PACSIN3: variants seen among roughly 807,000 people sequenced by gnomAD.
PACSIN3 encodes protein kinase C and casein kinase substrate in neurons protein 3.
PACSIN3 carries 34 observed loss-of-function variants against 56.1 expected under a neutral mutation model. The ratio of observed to expected loss-of-function variants is 0.61; its 90% CI spans 0.46 to 0.81. The LOEUF is 0.81. Among genes scored for constraint, PACSIN3 ranks in the 30% least tolerant of loss-of-function variants. The probability of loss-of-function intolerance (pLI) is 0.00; values close to 1 mark genes in which losing one functional copy is unlikely to be tolerated. For missense variants in PACSIN3, 535 were observed against 592.4 expected, an observed-to-expected ratio of 0.90 and a Z score of 1.01; for synonymous variants, 218 against 229.8, an observed-to-expected ratio of 0.95 and a Z score of 0.46.
In PACSIN3 at chr11:47,180,259, T is replaced by C. The variant is rs779304877; in HGVS notation, c.530A>G (p.Asp177Gly). ...AQTRESHAKA[D>G]SAVSQEQLRK... ...CAGCTGCTCCTGGGAGACGGCGCTG[T>C]CTGCCTTTGCGTGGCTCTCCCTCGT... The change falls in exon 6 of 11, where the codon GAC becomes GGC. Residue 177 changes from aspartate (D) to glycine (G), a missense_variant. Physicochemically the swap from Asp to Gly is moderately conservative, Grantham distance 94. Coordinates refer to ENST00000298838, the MANE Select transcript of PACSIN3 (RefSeq NM_016223.5). 2.5e-6 allele frequency: 4 copies of C among 1,603,726 alleles called. No individual in the cohort carries two copies. The highest frequency in any genetic ancestry group is 2.2e-5 in the South Asian group (2 of 91,092).
At position 47,179,015 on chromosome 11, in the gene PACSIN3, T is replaced by A. The variant is rs1483304088; in HGVS notation, c.916A>T (p.Thr306Ser). Residue 306 changes from threonine to serine, a missense_variant, in exon 9 of 11, where the codon ACA becomes TCA. Transcript: ENST00000298838. This position sits in a 1 kb window ranked among gnomAD's most constrained non-coding sequence, Gnocchi z 4.4. ...WPQFEEWSLD[T>S]QRTISRKEKG... ...TCTTTCCGGCTGATTGTCCTCTGTGTGTCCAAGGACCACTCCTGTGGGGAC... is the reference window on the plus strand; with the variant it reads ...TCTTTCCGGCTGATTGTCCTCTGTGAGTCCAAGGACCACTCCTGTGGGGAC... 4 of 1,614,120 alleles carry A rather than the reference T, an allele frequency of 2.5e-6. No homozygotes were observed. Among genetic ancestry groups the A allele is most frequent in the Admixed American group, 3.3e-5 (2 of 60,030 alleles).
chr11:47,178,090 G>A lies in PACSIN3; in HGVS notation c.1160-44C>T. 2.0e-6 allele frequency: 3 copies of A among 1,533,312 alleles called. No homozygotes were observed. Among genetic ancestry groups the A allele is most frequent in the Non-Finnish European group, 2.7e-6 (3 of 1,113,516 alleles). 95.0% of individuals were successfully genotyped at this position (1,533,312 alleles called of 1,614,324 possible). A position where few individuals can be genotyped will look rare whatever the true frequency, so the allele number is the denominator to read the frequency against. On this transcript the variant is annotated intron_variant, in intron 10 of 10. Coordinates refer to ENST00000298838, the MANE Select transcript of PACSIN3 (RefSeq NM_016223.5). This position sits in a 1 kb window ranked among gnomAD's most constrained non-coding sequence, Gnocchi z 4.2. ...GTCACTGCCAGTGGCCCTGGCCCAG[G>A]CCCTGTTCCTGCAACTGGGTCAAGG...
In PACSIN3 at chr11:47,179,407, A is replaced by C; in HGVS notation, c.779+4T>G. 6.2e-7 allele frequency: 1 copy of C among 1,613,974 alleles called. No homozygotes were observed. Reference sequence around the variant, plus strand: ...GATCTCCATGCCCACCAGGCAGTTCATACTTCTCACTGCTGGAAAGGTCCA... The same window carrying C: ...GATCTCCATGCCCACCAGGCAGTTCCTACTTCTCACTGCTGGAAAGGTCCA... On this transcript the variant is annotated splice_donor_region_variant and intron_variant, in intron 7 of 10. Coordinates refer to ENST00000298838, the MANE Select transcript of PACSIN3 (RefSeq NM_016223.5). The surrounding 1 kb of genome is among the most constrained non-coding windows in gnomAD (Gnocchi z 4.4).
At chr11:47,181,756 T>C (rs962166373) in intron 4 of PACSIN3, among the ~76,000 whole-genome samples, 4 of 152,180 alleles carry the variant, frequency 2.6e-5, no homozygotes, top group East Asian at 1.9e-4. Context: ...GGAGGATCAG[T>C]TGAGCGTGGG....
chr11:47,186,333 C>T lies in PACSIN3; in HGVS notation c.-104+16G>A, dbSNP rs921928945. ...CCCGCCGCCGCCTACCCGCGCGTCC[C>T]CTCCAGGGCACTCACCGCGTCCTCC... On this transcript the variant is annotated intron_variant, in intron 1 of 10. Transcript: ENST00000298838. This position sits in a 1 kb window ranked among gnomAD's most constrained non-coding sequence, Gnocchi z 4.5. The T allele has an allele frequency of 1.3e-5, 2 of 151,850 alleles. No individual in the cohort carries two copies. Among genetic ancestry groups the T allele is most frequent in the African/African-American group, 4.8e-5 (2 of 41,348 alleles). The allele number at this position is 151,850 out of a possible 1,614,324, so 9.4% of individuals were successfully genotyped here. A position where few individuals can be genotyped will look rare whatever the true frequency, so the allele number is the denominator to read the frequency against.
chr11:47,179,660 A>G lies in PACSIN3; in HGVS notation c.604-74T>C. 1 of 1,478,194 alleles carries G rather than the reference A, an allele frequency of 6.8e-7. No individual in the cohort carries two copies. Among genetic ancestry groups the G allele is most frequent in the South Asian group, 1.2e-5 (1 of 84,922 alleles). 91.6% of individuals were successfully genotyped at this position (1,478,194 alleles called of 1,614,324 possible). On this transcript the variant is annotated intron_variant, in intron 6 of 10. Coordinates refer to ENST00000298838, the MANE Select transcript of PACSIN3 (RefSeq NM_016223.5). The surrounding 1 kb of genome is among the most constrained non-coding windows in gnomAD (Gnocchi z 4.4). ...AGGACTCCACCAGTGTTTACCAGAC[A>G]CTGCCATAGGCTGCTAGACCCAGGG... is the stretch of plus-strand genomic sequence containing the variant.
At chr11:47,180,151 G>A (rs753617519) in intron 6 of PACSIN3, 35 bp downstream of exon 6, 3 of 1,585,848 alleles carry the variant, frequency 1.9e-6, no homozygotes, top group Non-Finnish European at 2.6e-6. Context: ...GCCGTGCCCT[G>A]GGCGGGGGCC....
At position 47,178,000 on chromosome 11, in the gene PACSIN3, G is replaced by A; in HGVS notation, c.1206C>T (p.Cys402=). Residue 402 remains cysteine, a synonymous_variant, in exon 11 of 11, where the codon TGC becomes TGT. Coordinates refer to ENST00000298838, the MANE Select transcript of PACSIN3 (RefSeq NM_016223.5). ...TGCGGCCACTCTGCAACTGGCCTTGGCACCAGCCCTGCTCGTCCTCCTCAC... is the reference window on the plus strand; with the variant it reads ...TGCGGCCACTCTGCAACTGGCCTTGACACCAGCCCTGCTCGTCCTCCTCAC... ...KMSEEDEQGW[C]QGQLQSGRIG... 1 of 1,614,112 alleles carries A rather than the reference G, an allele frequency of 6.2e-7. No individual in the cohort carries two copies.
intron 1 of PACSIN3, among the ~76,000 whole-genome samples, chr11:47,184,920 C>G (rs1953091430): frequency 6.6e-6 from 1 of 152,078 alleles, no homozygotes; most frequent in Non-Finnish European, 1.5e-5. Context: ...CTGTGTGTAC[C>G]GGGCTGGCAC....
Position 47,177,671 on chromosome 11 carries a change from C to T in PACSIN3, c.*260G>A, listed in dbSNP as rs572595154. ...GAGGTCAGGAACTGAGTCCACAGCTCCTGGGGAGGCCCAGGCACCCCTGAA... is the reference window on the plus strand; with the variant it reads ...GAGGTCAGGAACTGAGTCCACAGCTTCTGGGGAGGCCCAGGCACCCCTGAA... On this transcript the variant is annotated 3_prime_UTR_variant, in exon 11 of 11. Coordinates refer to ENST00000298838, the MANE Select transcript of PACSIN3 (RefSeq NM_016223.5). 4.2e-5 allele frequency: 22 copies of T among 519,098 alleles called. No individual in the cohort carries two copies. Among genetic ancestry groups the T allele is most frequent in the Admixed American group, 6.9e-5 (2 of 29,046 alleles). The allele number at this position is 519,098 out of a possible 1,614,324, so 32.2% of individuals were successfully genotyped here.
intron 5 of PACSIN3, 25 bp downstream of exon 5, chr11:47,180,430 G>C (rs61897851): frequency 0.085 from 135,215 of 1,591,526 alleles, 5,943 homozygotes; most frequent in African/African-American, 0.094. Flanking sequence ...AGCCTGTCTC[G>C]GATACCTCCC....
rs548709548 is a variant in PACSIN3 at position 47,182,436 on chromosome 11, A to C, written c.178T>G (p.Trp60Gly). 6.2e-7 allele frequency: 1 copy of C among 1,600,956 alleles called. No homozygotes were observed. The highest frequency in any genetic ancestry group is 2.2e-5 in the East Asian group (1 of 44,844). Residue 60 changes from tryptophan to glycine, a missense_variant, in exon 4 of 11, where the codon TGG becomes GGG. By Grantham distance (184) the Trp-to-Gly change is radical. Coordinates refer to ENST00000298838, the MANE Select transcript of PACSIN3 (RefSeq NM_016223.5). ...ACGGTCCCCCTCCACTTTCGGGCCC[A>C]GTCAGCCAACTGCTGGGCATAAGCC... ...EKAYAQQLAD[W>G]ARKWRGTVEK...
At chr11:47,181,974 A>T (rs189268328) in intron 4 of PACSIN3, among the ~76,000 whole-genome samples, 1 of 151,992 alleles carries the variant, frequency 6.6e-6, no homozygotes, top group Non-Finnish European at 1.5e-5. Context: ...CCAACATGGT[A>T]AAACCCCGTC....
chr11:47,184,043 C>T (rs370341350), intron 1 of PACSIN3, among the ~76,000 whole-genome samples: 2 of 151,698 alleles, frequency 1.3e-5, no homozygotes, highest in Non-Finnish European at 2.9e-5. Flanking sequence ...TCCCTAGAAT[C>T]GCAGAGGACG....
Position 47,177,842 on chromosome 11 carries a change from C to T in PACSIN3, c.*89G>A, listed in dbSNP as rs897007523. 1.3e-5 allele frequency: 13 copies of T among 994,112 alleles called. No homozygotes were observed. The highest frequency in any genetic ancestry group is 7.4e-5 in the East Asian group (3 of 40,666). The allele number at this position is 994,112 out of a possible 1,614,324, so 61.6% of individuals were successfully genotyped here. The stretch of plus-strand genomic sequence containing the variant: ...GGACAGAGGAGCAGCCAGAGAGCGA[C>T]GGTTCAGGGCCCTGAGGGTCCGGCT... On this transcript the variant is annotated 3_prime_UTR_variant, in exon 11 of 11. Coordinates refer to ENST00000298838, the MANE Select transcript of PACSIN3 (RefSeq NM_016223.5).
Position 47,178,535 on chromosome 11 carries a change from G to A in PACSIN3, c.1038-48C>T, listed in dbSNP as rs1045389771. The stretch of plus-strand genomic sequence containing the variant: ...GCAGCTCAGAGTGCAAGGAACACGG[G>A]GCTGGAGATCTCACCCAGGATCAGG... On this transcript the variant is annotated intron_variant, in intron 9 of 10. Transcript: ENST00000298838. This position sits in a 1 kb window ranked among gnomAD's most constrained non-coding sequence, Gnocchi z 4.2. The A allele has an allele frequency of 1.2e-5, 19 of 1,594,672 alleles. No individual in the cohort carries two copies. The highest frequency in any genetic ancestry group is 1.5e-5 in the Non-Finnish European group (17 of 1,168,942).
rs771009434 is a variant in PACSIN3 at position 47,180,585 on chromosome 11, T to C, written c.317A>G (p.Asp106Gly). 5 of 1,604,910 alleles carry C rather than the reference T, an allele frequency of 3.1e-6. No homozygotes were observed. In the African/African-American group the frequency reaches 6.7e-5, roughly 21 times the overall value. The change falls in exon 5 of 11, where the codon GAC becomes GGC. Residue 106 changes from aspartate to glycine, a missense_variant. Physicochemically the swap from Asp to Gly is moderately conservative, Grantham distance 94. Coordinates refer to ENST00000298838, the MANE Select transcript of PACSIN3 (RefSeq NM_016223.5). ...LEVREKLQGQ[D>G]SERVRAWQRG... ...CTGCCAGGCGCGCACCCGCTCACTG[T>C]CCTGCCCTTGCAGCTTCTCCCGCAC...
chr11:47,178,634 C>A lies in PACSIN3; in HGVS notation c.1038-147G>T, dbSNP rs1454364901. On this transcript the variant is annotated intron_variant, in intron 9 of 10. Coordinates refer to ENST00000298838, the MANE Select transcript of PACSIN3 (RefSeq NM_016223.5). The surrounding 1 kb of genome is among the most constrained non-coding windows in gnomAD (Gnocchi z 4.2). ...ACTAAAGATTCTAGCTCTACCTCGC[C>A]ATGCCCGACTGTGAGCAAAGAGGCA... 1.8e-6 allele frequency: 2 copies of A among 1,117,742 alleles called. No homozygotes were observed. The highest frequency in any genetic ancestry group is 3.1e-5 in the African/African-American group (2 of 63,810). The allele number at this position is 1,117,742 out of a possible 1,614,324, so 69.2% of individuals were successfully genotyped here.
chr11:47,179,663 G>A lies in PACSIN3; in HGVS notation c.604-77C>T, dbSNP rs1484874383. 1 of 1,440,200 alleles carries A rather than the reference G, an allele frequency of 6.9e-7. No individual in the cohort carries two copies. The highest frequency in any genetic ancestry group is 1.4e-5 in the African/African-American group (1 of 70,876). The allele number at this position is 1,440,200 out of a possible 1,614,324, so 89.2% of individuals were successfully genotyped here. A position where few individuals can be genotyped will look rare whatever the true frequency, so the allele number is the denominator to read the frequency against. On this transcript the variant is annotated intron_variant, in intron 6 of 10. Transcript: ENST00000298838. The surrounding 1 kb of genome is among the most constrained non-coding windows in gnomAD (Gnocchi z 4.4). ...ACTCCACCAGTGTTTACCAGACACT[G>A]CCATAGGCTGCTAGACCCAGGGCTA... is the stretch of plus-strand genomic sequence containing the variant.
Sources: allele counts gnomAD v4.1 joint callset (sites outside exome capture counted in the v4.1 genomes callset), GRCh38; gene constraint gnomAD v4.1.1; non-coding constraint Gnocchi (gnomAD v3.1); transcripts MANE v1.5; gene names NCBI Gene and HGNC (gene_info 2026-07-23, HGNC 2026-07-21).